The following CRISP3 variants were observed in gnomAD, a reference collection of about 807,000 sequenced individuals.
CRISP3 encodes the protein cysteine rich secretory protein 3, also known as cysteine-rich secretory protein 3.
CRISP3 carries 33 observed loss-of-function variants against 36.1 expected under a neutral mutation model. That is an observed-to-expected ratio of 0.91 (90% CI 0.69 to 1.22). The LOEUF (loss-of-function observed/expected upper bound fraction) is 1.22. Among genes scored for constraint, CRISP3 ranks in the 50% most tolerant of loss-of-function variants. The probability of loss-of-function intolerance (pLI) is 0.00; values close to 1 mark genes in which losing one functional copy is unlikely to be tolerated. For synonymous variants in CRISP3, 117 were observed against 104.6 expected (o/e 1.12, Z -0.72); for missense variants, 330 against 301.2 (o/e 1.10, Z -0.71).
intron 7 of CRISP3, among the ~76,000 whole-genome samples, chr6:49,729,351 G>A (rs1768857591): frequency 6.6e-6 from 1 of 152,026 alleles, no homozygotes. Flanking sequence ...AAGTTATATT[G>A]GACACAGTTG....
chr6:49,733,898 C>G, intron 4 of CRISP3, 50 bp from the exon 5 acceptor site: 2 of 1,518,222 alleles, frequency 1.3e-6, no homozygotes, highest in Non-Finnish European at 1.8e-6. Flanking sequence ...CATGCAATGG[C>G]AAAATACACA....
rs76889827 is a variant in CRISP3 at position 49,744,197 on chromosome 6, A to C, written c.37+134T>G. The C allele has an allele frequency of 3.5e-3, 2,019 of 576,208 alleles. 32 individuals carry two copies. The highest frequency in any genetic ancestry group is 0.034 in the African/African-American group (1,734 of 51,748). The allele number at this position is 576,208 out of a possible 1,614,324, so 35.7% of individuals were successfully genotyped here. A position where few individuals can be genotyped will look rare whatever the true frequency, so the allele number is the denominator to read the frequency against. ...TATATTAAGATAATTACTCTCATTA[A>C]AAGTTATCAATAAACTTTGGAAAAT... On this transcript the variant is annotated intron_variant, in intron 1 of 7. Transcript: ENST00000263045.
chr6:49,728,720 T>C lies in CRISP3; in HGVS notation c.*10A>G. ...TCTCTACATAGCCCTACTCGGTGTG[T>C]AATGCGTATTTAATAAATGCTGTTT... On this transcript the variant is annotated 3_prime_UTR_variant, in exon 8 of 8. Transcript: ENST00000263045. 6.2e-7 allele frequency: 1 copy of C among 1,609,302 alleles called. No individual in the cohort carries two copies. The highest frequency in any genetic ancestry group is 2.2e-5 in the East Asian group (1 of 44,754).
At chr6:49,742,668 A>G (rs534912375) in intron 1 of CRISP3, among the ~76,000 whole-genome samples, 13 of 151,866 alleles carry the variant, frequency 8.6e-5, no homozygotes, top group Non-Finnish European at 1.6e-4. Flanking sequence ...AGAAAAGAAA[A>G]AGAAAAAAAA....
intron 3 of CRISP3, 73 bp from the exon 4 acceptor site, chr6:49,735,664 G>T (rs1017392020): frequency 1.8e-6 from 2 of 1,097,552 alleles, no homozygotes; most frequent in East Asian, 2.4e-5. Context: ...TTATAATCAG[G>T]TTATAGGTTG....
At chr6:49,744,226 A>C (rs1342309175) in intron 1 of CRISP3, 105 bp downstream of exon 1, 1 of 773,856 alleles carries the variant, frequency 1.3e-6, no homozygotes, top group Non-Finnish European at 1.9e-6. Context: ...GGAAAATTGT[A>C]GATAAAATAT....
At chr6:49,742,631 C>CAAAAAAAAAAAAAAAAAGGAAGAAAAAA (rs1769235350) in intron 1 of CRISP3, among the ~76,000 whole-genome samples, 1 of 71,242 alleles carries the variant, frequency 1.4e-5, no homozygotes, top group Non-Finnish European at 2.8e-5. Context: ...GACTCCATCT[C>CAAAAAAAAAAAAAAAAAGGAAGAAAAAA]AAAAAAAAAA....
In CRISP3 at chr6:49,736,448, A is replaced by T; in HGVS notation, c.171T>A (p.Asn57Lys). Residue 57 changes from asparagine to lysine, a missense_variant, in exon 3 of 8, where the codon AAT becomes AAA. Physicochemically the swap from Asn to Lys is moderately conservative, Grantham distance 94 (BLOSUM62 0). Transcript: ENST00000263045. ...TQTQVQREIV[N>K]KHNELRRAVS... ...CTGCTCTCCTCAGTTCATTGTGCTT[A>T]TTCACAATCTCCCTTTGCACTTGTG... 6.2e-7 allele frequency: 1 copy of T among 1,613,860 alleles called. No individual in the cohort carries two copies.
intron 1 of CRISP3, among the ~76,000 whole-genome samples, chr6:49,739,973 G>T (rs1022625167): frequency 1.3e-5 from 2 of 152,094 alleles, no homozygotes; most frequent in Non-Finnish European, 2.9e-5. Flanking sequence ...CTTTTTCAAA[G>T]AAATTAATAA....
intron 7 of CRISP3, among the ~76,000 whole-genome samples, chr6:49,730,309 A>G (rs1768883639): frequency 6.6e-6 from 1 of 152,140 alleles, no homozygotes; most frequent in East Asian, 1.9e-4. Flanking sequence ...AATACTACAT[A>G]CAGATTTGAT....
chr6:49,731,039 T>A (rs950249856), intron 7 of CRISP3, 124 bp downstream of exon 7: 7 of 638,358 alleles, frequency 1.1e-5, no homozygotes, highest in African/African-American at 8.0e-5. Context: ...CAGACAGACT[T>A]TTTTTTCCTT....
chr6:49,730,096 C>T (rs1768876699), intron 7 of CRISP3, among the ~76,000 whole-genome samples: 1 of 151,946 alleles, frequency 6.6e-6, no homozygotes, highest in South Asian at 2.1e-4. Context: ...TGTTACAATT[C>T]AGTCAGGTGA....
chr6:49,736,570 T>C lies in CRISP3; in HGVS notation c.112-63A>G, dbSNP rs188573183. ...GTTGGAAATTGCACATAATAGTAAC[T>C]ATGTTAGTTCAAGGGAACAAAGACC... On this transcript the variant is annotated intron_variant, in intron 2 of 7. Transcript: ENST00000263045. 11 of 1,174,550 alleles carry C rather than the reference T, an allele frequency of 9.4e-6. No homozygotes were observed. In the East Asian group the frequency reaches 2.3e-4, roughly 25 times the overall value. The allele number at this position is 1,174,550 out of a possible 1,614,324, so 72.8% of individuals were successfully genotyped here. A position where few individuals can be genotyped will look rare whatever the true frequency, so the allele number is the denominator to read the frequency against.
At chr6:49,734,271 T>C (rs1768988283) in intron 4 of CRISP3, among the ~76,000 whole-genome samples, 1 of 152,186 alleles carries the variant, frequency 6.6e-6, no homozygotes, top group Non-Finnish European at 1.5e-5. Context: ...GAGATTTTCA[T>C]ATATAGGAAT....
chr6:49,736,659 T>C, intron 2 of CRISP3, 152 bp from the exon 3 acceptor site: 1 of 695,344 alleles, frequency 1.4e-6, no homozygotes, highest in Non-Finnish European at 2.6e-6. Context: ...CTATGACTTT[T>C]TAATGGAAAA....
rs181915155 is a variant in CRISP3, at chr6:49,731,857, G to A, written c.561-606C>T. 2.6e-3 allele frequency among the ~76,000 whole-genome samples: 402 copies of A among 152,204 alleles called. 2 individuals are homozygous for A. The highest frequency in any genetic ancestry group is 4.9e-3 in the Non-Finnish European group (331 of 68,014). On this transcript the variant is annotated intron_variant, in intron 6 of 7. Coordinates refer to ENST00000263045, the MANE Select transcript of CRISP3 (RefSeq NM_006061.4). ...AGGTTTGGGAATGTCTACAGGTGGT[G>A]TGTATGAGATGTTTATGTTTGCCAA...
intron 1 of CRISP3, among the ~76,000 whole-genome samples, chr6:49,739,435 G>T (rs927833305): frequency 2.6e-5 from 4 of 152,160 alleles, no homozygotes; most frequent in African/African-American, 9.7e-5. Flanking sequence ...CCCAGAGGGG[G>T]AGCTGGTTGA....
At chr6:49,739,918 C>G (rs1003643329) in intron 1 of CRISP3, among the ~76,000 whole-genome samples, 1 of 152,136 alleles carries the variant, frequency 6.6e-6, no homozygotes, top group Non-Finnish European at 1.5e-5. Context: ...GTGTAAGTCA[C>G]TGAGTCCTAC....
Position 49,727,739 on chromosome 6 carries a change from C to A in CRISP3, c.*991G>T, listed in dbSNP as rs751881093. The A allele has an allele frequency of 2.0e-5, 3 of 152,062 alleles. No homozygotes were observed. Among genetic ancestry groups the A allele is most frequent in the Non-Finnish European group, 4.4e-5 (3 of 67,982 alleles). 9.4% of individuals were successfully genotyped at this position (152,062 alleles called of 1,614,324 possible). A position where few individuals can be genotyped will look rare whatever the true frequency, so the allele number is the denominator to read the frequency against. ...CAGTTTTGAGGAATACTCTAAAATACCCCAGGGATATTTTGTAGAATGTCC... is the reference window on the plus strand; with the variant it reads ...CAGTTTTGAGGAATACTCTAAAATAACCCAGGGATATTTTGTAGAATGTCC... On this transcript the variant is annotated 3_prime_UTR_variant, in exon 8 of 8. Transcript: ENST00000263045.
Sources: gnomAD v4.1 joint callset for allele counts (sites outside exome capture counted in the v4.1 genomes callset) on GRCh38, gnomAD v4.1.1 for gene constraint, MANE v1.5 for transcripts, NCBI Gene and HGNC (gene_info 2026-07-23, HGNC 2026-07-21) for gene names.